The following THSD7B variants were observed in gnomAD, a reference collection of about 807,000 sequenced individuals.
THSD7B encodes thrombospondin type 1 domain containing 7B.
Under a neutral mutation model 213.6 loss-of-function variants are expected in THSD7B, and 138 were observed. That is an observed-to-expected ratio of 0.65 (90% CI 0.56 to 0.74). THSD7B has a LOEUF of 0.74. Ranked by LOEUF, THSD7B falls within the 30% of genes least tolerant of loss-of-function variation. THSD7B has a pLI of 0.00. For synonymous variants in THSD7B, 742 were observed against 687.0 expected, an observed-to-expected ratio of 1.08 and a Z score of -1.25; for missense variants, 1,931 against 1,991.5, an observed-to-expected ratio of 0.97 and a Z score of 0.58.
At position 137,185,246 on chromosome 2, in the gene THSD7B, CT is replaced by C. The variant is rs34010278; in HGVS notation, c.1723+14318del. Among the ~76,000 whole-genome samples the C allele has an allele frequency of 1.4e-4, 20 of 146,084 alleles. No homozygotes were observed. The East Asian group carries it at 1.4e-3, about 10-fold the overall frequency. On this transcript the variant is annotated intron_variant, in intron 7 of 27. Coordinates refer to ENST00000409968, the MANE Select transcript of THSD7B (RefSeq NM_001316349.2). Reference sequence around the variant, plus strand: ...GACTGCAAAGTTATATCTCTAGTGCCTTTTTTTTTTCAACTTTTATTTTAGA... The same window carrying C: ...GACTGCAAAGTTATATCTCTAGTGCCTTTTTTTTTCAACTTTTATTTTAGA...
intron 12 of THSD7B, among the ~76,000 whole-genome samples, chr2:137,392,934 T>G (rs1686069087): frequency 6.6e-6 from 1 of 152,078 alleles, no homozygotes; most frequent in African/African-American, 2.4e-5. Context: ...TTTTATACTT[T>G]TTATGTTTTT....
intron 9 of THSD7B, among the ~76,000 whole-genome samples, chr2:137,234,398 G>T (rs1437551834): frequency 6.6e-6 from 1 of 152,212 alleles, no homozygotes; most frequent in Non-Finnish European, 1.5e-5. Flanking sequence ...CCATGTGTAA[G>T]GAAAGTCACC....
chr2:136,965,663 CTG>C (rs1243508686), intron 2 of THSD7B, among the ~76,000 whole-genome samples: 2 of 152,176 alleles, frequency 1.3e-5, no homozygotes, highest in Non-Finnish European at 2.9e-5. Flanking sequence ...CTATATGACT[CTG>C]TTAGTCTCCC....
chr2:136,804,386 CACAT>C (rs1249839319), intron 1 of THSD7B, among the ~76,000 whole-genome samples: 4 of 136,700 alleles, frequency 2.9e-5, no homozygotes, highest in Admixed American at 8.0e-5. Context: ...TACTGGAACT[CACAT>C]ACACACACAC....
chr2:136,953,742 C>T (rs972600328), intron 2 of THSD7B, among the ~76,000 whole-genome samples: 12 of 152,176 alleles, frequency 7.9e-5, no homozygotes, highest in African/African-American at 2.9e-4. Context: ...TGCAAATAAA[C>T]ATCTATTGGT....
In THSD7B at chr2:137,158,568, C is replaced by T. The variant is rs143392027; in HGVS notation, c.1370-1645C>T. On this transcript the variant is annotated intron_variant, in intron 5 of 27. Transcript: ENST00000409968. The stretch of plus-strand genomic sequence containing the variant: ...CAAATAAAACATTATTATTTTGTTT[C>T]GCAGCCTCTCTTTTCCTTTCACCCT... Among the ~76,000 whole-genome samples, 897 of 152,238 alleles carry T rather than the reference C, an allele frequency of 5.9e-3. 5 individuals are homozygous for T. Among genetic ancestry groups the T allele is most frequent in the Non-Finnish European group, 8.2e-3 (560 of 68,006 alleles).
At chr2:137,543,863 C>T (rs950862626) in intron 15 of THSD7B, among the ~76,000 whole-genome samples, 9 of 150,592 alleles carry the variant, frequency 6.0e-5, no homozygotes, top group African/African-American at 2.2e-4. Context: ...TCAAAAGGAC[C>T]CGAAAAAATG....
At chr2:136,903,889 A>G (rs1025322706) in intron 2 of THSD7B, among the ~76,000 whole-genome samples, 1 of 151,696 alleles carries the variant, frequency 6.6e-6, no homozygotes, top group Non-Finnish European at 1.5e-5. Flanking sequence ...AGAACTTTCA[A>G]AGGAGTTCTC....
At chr2:136,921,084 G>A (rs929119460) in intron 2 of THSD7B, among the ~76,000 whole-genome samples, 1 of 152,068 alleles carries the variant, frequency 6.6e-6, no homozygotes, top group Middle Eastern at 3.4e-3. Flanking sequence ...TTGGTAGAAG[G>A]CGGGGCTCTC....
At chr2:136,982,391 T>C (rs1486531133) in intron 2 of THSD7B, among the ~76,000 whole-genome samples, 1 of 152,040 alleles carries the variant, frequency 6.6e-6, no homozygotes, top group Admixed American at 6.6e-5. Context: ...TCTCGAACCC[T>C]GGGCACAGGG....
intron 12 of THSD7B, among the ~76,000 whole-genome samples, chr2:137,343,281 C>T (rs1684803358): frequency 6.6e-6 from 1 of 151,460 alleles, no homozygotes. Context: ...TGATGGGAGA[C>T]TTTTTATTAC....
chr2:136,965,969 C>G (rs1685306646), intron 2 of THSD7B, among the ~76,000 whole-genome samples: 1 of 152,084 alleles, frequency 6.6e-6, no homozygotes, highest in Non-Finnish European at 1.5e-5. Flanking sequence ...TTCTGCTGAC[C>G]TAATATTTTT....
chr2:137,580,560 T>C (rs1681552645), intron 17 of THSD7B, among the ~76,000 whole-genome samples: 1 of 152,216 alleles, frequency 6.6e-6, no homozygotes, highest in African/African-American at 2.4e-5. Context: ...ATACATACTT[T>C]ATTAGGAAGA....
At chr2:136,854,278 A>AT (rs59204058) in intron 1 of THSD7B, among the ~76,000 whole-genome samples, 152,280 of 152,282 alleles carry the variant, frequency 1, 76,139 homozygotes, top group Non-Finnish European at 1. Context: ...ATATGCATGT[A>AT]TTTTTGTTCT....
At chr2:137,235,981 C>A (rs1472087029) in intron 9 of THSD7B, among the ~76,000 whole-genome samples, 1 of 152,154 alleles carries the variant, frequency 6.6e-6, no homozygotes, top group Non-Finnish European at 1.5e-5. Flanking sequence ...AATTAAAATT[C>A]TTGAGGTTAA....
intron 10 of THSD7B, 24 bp downstream of exon 10, chr2:137,242,596 T>C (rs1233096035): frequency 6.4e-7 from 1 of 1,558,434 alleles, no homozygotes; most frequent in Non-Finnish European, 8.8e-7. Flanking sequence ...GCGTTCTTAG[T>C]TCTTTCTTCC....
chr2:137,606,017 T>C (rs1194671038), intron 17 of THSD7B, among the ~76,000 whole-genome samples: 2 of 151,880 alleles, frequency 1.3e-5, no homozygotes, highest in Non-Finnish European at 2.9e-5. Flanking sequence ...TTAGCCAGGA[T>C]GGTCTCAATC....
rs117051673 is a variant in THSD7B, at chr2:137,471,459, C to T, written c.3138+20436C>T. On this transcript the variant is annotated intron_variant, in intron 15 of 27. Coordinates refer to ENST00000409968, the MANE Select transcript of THSD7B (RefSeq NM_001316349.2). The stretch of plus-strand genomic sequence containing the variant: ...TGATCCTCAAAGTTCTGGGGTGGCA[C>T]GTGGTGCCATAGGAAGAGCCCGTCT... Among the ~76,000 whole-genome samples the T allele has an allele frequency of 2.2e-4, 34 of 152,064 alleles. No homozygotes were observed. In the East Asian group the frequency reaches 3.9e-3, roughly 17 times the overall value.
chr2:137,157,654 G>A (rs1396812903), intron 5 of THSD7B, among the ~76,000 whole-genome samples: 1 of 152,106 alleles, frequency 6.6e-6, no homozygotes, highest in Non-Finnish European at 1.5e-5. Context: ...GACAAACTCA[G>A]ACCCAGATGC....
Sources: allele counts gnomAD v4.1 joint callset (sites outside exome capture counted in the v4.1 genomes callset), GRCh38; gene constraint gnomAD v4.1.1; transcripts MANE v1.5; gene names NCBI Gene and HGNC (gene_info 2026-07-23, HGNC 2026-07-21).